Variants in ING3 observed in about 807,000 individuals in gnomAD.
ING3 encodes inhibitor of growth protein 3.
A neutral mutation model predicts 64.8 loss-of-function variants in ING3; 6 were observed. That is an observed-to-expected ratio of 0.09 (90% CI 0.05 to 0.18). The LOEUF (loss-of-function observed/expected upper bound fraction) is 0.18. ING3 is among the 10% of genes least tolerant of loss of function. The pLI is 1.00. For missense variants in ING3, 310 were observed against 489.7 expected, an observed-to-expected ratio of 0.63 and a Z score of 3.46; for synonymous variants, 170 against 173.7, an observed-to-expected ratio of 0.98 and a Z score of 0.17.
intron 3 of ING3, among the ~76,000 whole-genome samples, chr7:120,955,196 C>G (rs563130458): frequency 1.1e-3 from 168 of 152,296 alleles, no homozygotes; most frequent in African/African-American, 3.9e-3. Flanking sequence ...GTGGCCCAAT[C>G]TCGGCTCACT....
At chr7:120,970,500 G>A (rs935697503) in intron 9 of ING3, among the ~76,000 whole-genome samples, 188 bp from the exon 10 acceptor site, 34 of 151,450 alleles carry the variant, frequency 2.2e-4, no homozygotes, top group African/African-American at 8.2e-4. Flanking sequence ...TGTCTGTAAA[G>A]TAGCCAGAAC....
chr7:120,956,240 CT>C, intron 4 of ING3: 1 of 1,570,720 alleles, frequency 6.4e-7, no homozygotes, highest in South Asian at 1.2e-5. Flanking sequence ...TTGTGGTGCT[CT>C]TTTTCATTTG....
chr7:120,959,201 T>C (rs1795895769), intron 4 of ING3, among the ~76,000 whole-genome samples: 1 of 152,178 alleles, frequency 6.6e-6, no homozygotes, highest in African/African-American at 2.4e-5. Flanking sequence ...TTCAAGTGGT[T>C]CTCACATGAA....
intron 2 of ING3, among the ~76,000 whole-genome samples, chr7:120,952,748 T>A (rs1333387569): frequency 6.6e-6 from 1 of 152,136 alleles, no homozygotes; most frequent in Non-Finnish European, 1.5e-5. Context: ...GAATCTTTTT[T>A]ATTAATTTTT....
intron 4 of ING3, among the ~76,000 whole-genome samples, chr7:120,960,441 T>C (rs985750408): frequency 6.6e-6 from 1 of 152,234 alleles, no homozygotes; most frequent in African/African-American, 2.4e-5. Context: ...CATTATATTA[T>C]AGGAATTTTA....
Position 120,970,733 on chromosome 7 carries a change from C to T in ING3, c.954C>T (p.Ser318=). ...GCCAGCAGTCATCATCTTCCTCCTC[C>T]TCTTCTTCCTTATCATCGTGTTCTT... ...SSSQQSSSSS[S]SSSLSSCSSS... The change falls in exon 10 of 12, where the codon TCC becomes TCT. Residue 318 remains serine, a synonymous_variant. Coordinates refer to ENST00000315870, the MANE Select transcript of ING3 (RefSeq NM_019071.3). The T allele has an allele frequency of 6.2e-7, 1 of 1,613,050 alleles. No individual in the cohort carries two copies. Among genetic ancestry groups the T allele is most frequent in the African/African-American group, 1.3e-5 (1 of 75,014 alleles).
chr7:120,952,603 C>T (rs1451789829), intron 2 of ING3, among the ~76,000 whole-genome samples: 1 of 152,002 alleles, frequency 6.6e-6, no homozygotes, highest in East Asian at 1.9e-4. Flanking sequence ...TTCAGAAATG[C>T]TTATTTAAAC....
chr7:120,971,003 T>TC, intron 10 of ING3, 123 bp downstream of exon 10: 1 of 1,029,966 alleles, frequency 9.7e-7, no homozygotes. Flanking sequence ...TATACTTTTC[T>TC]CCCCCTTCTT....
Position 120,970,715 on chromosome 7 carries a change from G to A in ING3, c.936G>A (p.Gln312=). The A allele has an allele frequency of 1.2e-6, 2 of 1,613,722 alleles. No individual in the cohort carries two copies. The highest frequency in any genetic ancestry group is 1.7e-6 in the Non-Finnish European group (2 of 1,179,726). ...SKNNNKSSSQ[Q]SSSSSSSSSL... is the part of the protein sequence containing the mutation. ...ACAACAACAAGTCTTCAAGCCAGCA[G>A]TCATCATCTTCCTCCTCCTCTTCTT... Residue 312 remains glutamine (Q), a synonymous_variant, in exon 10 of 12, where the codon CAG becomes CAA. Transcript: ENST00000315870.
intron 10 of ING3, among the ~76,000 whole-genome samples, chr7:120,972,512 C>T (rs926231456): frequency 3.3e-5 from 5 of 152,232 alleles, no homozygotes; most frequent in East Asian, 1.9e-4. Context: ...GAGTTTTCCT[C>T]TGTAACACTA....
At chr7:120,965,527 A>G (rs1441666697) in intron 5 of ING3, among the ~76,000 whole-genome samples, 2 of 152,152 alleles carry the variant, frequency 1.3e-5, no homozygotes, top group Admixed American at 6.6e-5. Context: ...TAGAGTAGGC[A>G]CTCACTAGAT....
At chr7:120,974,174 A>G (rs1351239020) in intron 11 of ING3, among the ~76,000 whole-genome samples, 1 of 151,764 alleles carries the variant, frequency 6.6e-6, no homozygotes, top group Non-Finnish European at 1.5e-5. Context: ...GATTCTTCTT[A>G]TTCCCAGTTG....
intron 4 of ING3, among the ~76,000 whole-genome samples, chr7:120,957,345 C>A (rs1221525718): frequency 2.0e-5 from 3 of 151,472 alleles, no homozygotes; most frequent in Non-Finnish European, 4.4e-5. Context: ...GCACTCCAGC[C>A]TGGGCGACAG....
At position 120,950,824 on chromosome 7, in the gene ING3, C is replaced by G; in HGVS notation, c.-73C>G. 1 of 1,490,792 alleles carries G rather than the reference C, an allele frequency of 6.7e-7. No individual in the cohort carries two copies. The highest frequency in any genetic ancestry group is 9.2e-7 in the Non-Finnish European group (1 of 1,092,848). The allele number at this position is 1,490,792 out of a possible 1,614,324, so 92.3% of individuals were successfully genotyped here. On this transcript the variant is annotated 5_prime_UTR_variant, in exon 1 of 12. Coordinates refer to ENST00000315870, the MANE Select transcript of ING3 (RefSeq NM_019071.3). The stretch of plus-strand genomic sequence containing the variant: ...AGCGGAGGCGCCATATTGGAGGGGA[C>G]AAAACTCCGGCGACAGCGAGTGACA...
intron 4 of ING3, among the ~76,000 whole-genome samples, chr7:120,961,568 CA>C (rs1795934147): frequency 6.6e-6 from 1 of 152,006 alleles, no homozygotes; most frequent in African/African-American, 2.4e-5. Flanking sequence ...ACCAGAGAGT[CA>C]AAAAAGAAAG....
At position 120,973,183 on chromosome 7, in the gene ING3, A is replaced by T. The variant is rs183058561; in HGVS notation, c.1102-22A>T. The T allele has an allele frequency of 2.1e-5, 29 of 1,369,220 alleles. No individual in the cohort carries two copies. The African/African-American group carries it at 3.6e-4, about 17-fold the overall frequency. The allele number at this position is 1,369,220 out of a possible 1,614,324, so 84.8% of individuals were successfully genotyped here. A position where few individuals can be genotyped will look rare whatever the true frequency, so the allele number is the denominator to read the frequency against. ...TGTTTGTTACATAGTCATAATAAAGACATTTAATTTTTTTTAACTAGGTAT... is the reference window on the plus strand; with the variant it reads ...TGTTTGTTACATAGTCATAATAAAGTCATTTAATTTTTTTTAACTAGGTAT... On this transcript the variant is annotated intron_variant, in intron 10 of 11. Transcript: ENST00000315870.
rs150115417 is a variant in ING3, at chr7:120,953,367, C to T, written c.164C>T (p.Pro55Leu). Residue 55 changes from proline to leucine, a missense_variant, in exon 3 of 12, where the codon CCT becomes CTT. Around this residue, in one of 3 missense-constraint regions of ING3, gnomAD observed 53 missense variants for 116.2 expected, o/e 0.46. Transcript: ENST00000315870. ...TTTATGAATGCAAAGAAAAATAAAC[C>T]TGAGTGGAGGGAAGAGCAAATGGCA... is the stretch of plus-strand genomic sequence containing the variant. ...EFFMNAKKNK[P>L]EWREEQMASI... 8.7e-6 allele frequency: 14 copies of T among 1,605,134 alleles called. No homozygotes were observed. The African/African-American group carries it at 1.6e-4, about 19-fold the overall frequency.
chr7:120,973,396 A>G (rs2525726), intron 11 of ING3, among the ~76,000 whole-genome samples, 153 bp downstream of exon 11: 42,134 of 152,034 alleles, frequency 0.28, 7,128 homozygotes, highest in African/African-American at 0.46. Context: ...TCCTCTTCAA[A>G]ATAGGGTAGT....
chr7:120,956,021 T>C (rs1795841131), intron 4 of ING3: 1 of 671,404 alleles, frequency 1.5e-6, no homozygotes, highest in Non-Finnish European at 2.6e-6. Context: ...CAAGAGTTCT[T>C]GGTAGTCTGA....
Sources: gnomAD v4.1 joint callset for allele counts (sites outside exome capture counted in the v4.1 genomes callset) on GRCh38, gnomAD v4.1.1 for gene constraint, gnomAD v4.1.1 regional missense constraint, MANE v1.5 for transcripts, NCBI Gene and HGNC (gene_info 2026-07-23, HGNC 2026-07-21) for gene names.